Variants in PTH2R observed in about 807,000 individuals in gnomAD.
PTH2R encodes parathyroid hormone 2 receptor, also known as PTH2 receptor.
PTH2R carries 59 observed loss-of-function variants against 60.3 expected under a neutral mutation model. That is an observed-to-expected ratio of 0.98 (90% CI 0.79 to 1.22). The LOEUF (loss-of-function observed/expected upper bound fraction) is 1.22. Among genes scored for constraint, PTH2R ranks in the 50% most tolerant of loss-of-function variants. The probability of loss-of-function intolerance (pLI) is 0.00; values close to 1 mark genes in which losing one functional copy is unlikely to be tolerated. For synonymous variants in PTH2R, 256 were observed against 243.8 expected (o/e 1.05, Z -0.47); for missense variants, 749 against 682.6 (o/e 1.10, Z -1.08).
At chr2:208,477,914 CACT>C (rs1360814984) in intron 9 of PTH2R, among the ~76,000 whole-genome samples, 2 of 71,776 alleles carry the variant, frequency 2.8e-5, no homozygotes, top group Non-Finnish European at 3.7e-5. Flanking sequence ...CTAGTACTAG[CACT>C]ACTACTAGTA....
chr2:208,464,794 G>GC (rs1290603059), intron 9 of PTH2R, among the ~76,000 whole-genome samples: 1 of 152,080 alleles, frequency 6.6e-6, no homozygotes, highest in African/African-American at 2.4e-5. Flanking sequence ...CAGGAGGCTC[G>GC]CTTGAGGCCA....
At chr2:208,371,142 G>T (rs1451119699) in intron 1 of PTH2R, among the ~76,000 whole-genome samples, 2 of 152,030 alleles carry the variant, frequency 1.3e-5, no homozygotes, top group Non-Finnish European at 2.9e-5. Context: ...CCAACTTGGG[G>T]ATTGTATTTC....
At chr2:208,487,049 A>G (rs1703289439) in intron 10 of PTH2R, among the ~76,000 whole-genome samples, 1 of 152,160 alleles carries the variant, frequency 6.6e-6, no homozygotes, top group Admixed American at 6.5e-5. Flanking sequence ...GTACAACTCT[A>G]CCTACTTCTA....
chr2:208,404,672 C>T (rs935380101), upstream of PTH2R, among the ~76,000 whole-genome samples: 16 of 152,246 alleles, frequency 1.1e-4, no homozygotes, highest in African/African-American at 3.9e-4. Flanking sequence ...GAGAAAGACA[C>T]TTGCACACGA....
rs539892202 is a variant in PTH2R, at chr2:208,483,170, G to A, written c.1076+2006G>A. ...GTATCCTATGCCCATAGAATGCACA[G>A]TATTAATAAATCAGCAGCTGCTAGT... is the stretch of plus-strand genomic sequence containing the variant. On this transcript the variant is annotated intron_variant, in intron 10 of 12. Coordinates refer to ENST00000272847, the MANE Select transcript of PTH2R (RefSeq NM_005048.4). Among the ~76,000 whole-genome samples the A allele has an allele frequency of 4.6e-5, 7 of 152,306 alleles. No individual in the cohort carries two copies. The East Asian group carries it at 1.4e-3, about 29-fold the overall frequency.
At chr2:208,431,182 T>C (rs1237902406) in intron 2 of PTH2R, among the ~76,000 whole-genome samples, 1 of 152,234 alleles carries the variant, frequency 6.6e-6, no homozygotes, top group Non-Finnish European at 1.5e-5. Context: ...GCCAGCTCTT[T>C]GTTCAGCTTT....
chr2:208,370,880 A>G (rs1700689029), intron 1 of PTH2R, among the ~76,000 whole-genome samples: 5 of 152,080 alleles, frequency 3.3e-5, no homozygotes, highest in Non-Finnish European at 7.3e-5. Context: ...TAGGCATGGC[A>G]TCAGTATGTG....
intron 10 of PTH2R, among the ~76,000 whole-genome samples, chr2:208,481,955 A>C (rs1703162656): frequency 6.6e-6 from 1 of 152,234 alleles, no homozygotes; most frequent in African/African-American, 2.4e-5. Context: ...AACTATCTTA[A>C]GGTTGTGTGC....
In PTH2R at chr2:208,370,143, T is replaced by A. The variant is rs905066138; in HGVS notation, c.-259+9906T>A. ...AAGGAAAAATTGTGTCTAATCTATA[T>A]CATTTAAAAAGAAAGGTTGGCCGGG... On this transcript the variant is annotated intron_variant, in intron 1 of 12. Coordinates refer to the PTH2R transcript ENST00000617735. 1.5e-4 allele frequency among the ~76,000 whole-genome samples: 23 copies of A among 152,026 alleles called. 1 individual carries two copies. In the East Asian group the frequency reaches 4.3e-3, roughly 28 times the overall value.
At chr2:208,474,817 A>C (rs908720041) in intron 9 of PTH2R, among the ~76,000 whole-genome samples, 3 of 152,242 alleles carry the variant, frequency 2.0e-5, no homozygotes, top group Non-Finnish European at 4.4e-5. Context: ...TGGAGACGCA[A>C]ATGTCTAAGA....
At chr2:208,448,959 T>C (rs2105877398) in intron 7 of PTH2R, among the ~76,000 whole-genome samples, 1 of 152,216 alleles carries the variant, frequency 6.6e-6, no homozygotes, top group Middle Eastern at 3.4e-3. Context: ...TTTGACATAA[T>C]TATCATCTAA....
intron 8 of PTH2R, among the ~76,000 whole-genome samples, chr2:208,453,579 C>T (rs1180702780): frequency 6.6e-6 from 1 of 152,180 alleles, no homozygotes; most frequent in Non-Finnish European, 1.5e-5. Context: ...CAGTAGATAA[C>T]TCTTCAGTGC....
chr2:208,365,138 C>G lies in PTH2R; in HGVS notation c.-259+4901C>G, dbSNP rs565266278. On this transcript the variant is annotated intron_variant, in intron 1 of 12. Coordinates refer to the PTH2R transcript ENST00000617735. ...AACAGAAATTTTTACTTCTTTCTTCCCAATTTGGATGCCTTTTATTGCTTT... is the reference window on the plus strand; with the variant it reads ...AACAGAAATTTTTACTTCTTTCTTCGCAATTTGGATGCCTTTTATTGCTTT... Among the ~76,000 whole-genome samples the G allele has an allele frequency of 4.9e-4, 74 of 151,578 alleles. 1 individual carries two copies. Among genetic ancestry groups the G allele is most frequent in the African/African-American group, 1.5e-3 (60 of 41,294 alleles).
chr2:208,405,284 A>G (rs1701381422), upstream of PTH2R, among the ~76,000 whole-genome samples: 1 of 152,336 alleles, frequency 6.6e-6, no homozygotes, highest in East Asian at 1.9e-4. Context: ...AGATCTGATG[A>G]AAAGATTTTC....
intron 1 of PTH2R, among the ~76,000 whole-genome samples, chr2:208,409,506 C>A (rs1408683644): frequency 1.3e-5 from 2 of 151,840 alleles, no homozygotes; most frequent in African/African-American, 2.4e-5. Context: ...TTTAGCATAC[C>A]CAGTTAATGA....
intron 9 of PTH2R, among the ~76,000 whole-genome samples, chr2:208,480,010 C>A (rs1703109510): frequency 6.6e-6 from 1 of 152,184 alleles, no homozygotes; most frequent in Admixed American, 6.5e-5. Context: ...CAAGACCTAG[C>A]CCTCAGTTCT....
intron 1 of PTH2R, among the ~76,000 whole-genome samples, chr2:208,391,699 T>C (rs1252174725): frequency 6.6e-6 from 1 of 152,174 alleles, no homozygotes; most frequent in African/African-American, 2.4e-5. Flanking sequence ...ATACTCTTAG[T>C]TGCTTGAGAG....
rs138621674 is a variant in PTH2R at position 208,392,839 on chromosome 2, C to T, written c.-259+32602C>T. ...CTTGTGCTGTAATGGCAGACTGAGC[C>T]GCTGGAATGGGGGTTTGAGCCCCGG... On this transcript the variant is annotated intron_variant, in intron 1 of 12. Transcript: ENST00000617735. 5.6e-3 allele frequency among the ~76,000 whole-genome samples: 849 copies of T among 152,202 alleles called. 4 individuals carry two copies. The highest frequency in any genetic ancestry group is 0.019 in the African/African-American group (772 of 41,544).
At chr2:208,413,141 C>CCACACACACACA (rs5838121) in intron 1 of PTH2R, among the ~76,000 whole-genome samples, 23 of 149,868 alleles carry the variant, frequency 1.5e-4, no homozygotes, top group African/African-American at 5.4e-4. Context: ...TAAAAAGTGA[C>CCACACACACACA]CACACACACA....
Sources: gnomAD v4.1 joint callset for allele counts (sites outside exome capture counted in the v4.1 genomes callset) on GRCh38, gnomAD v4.1.1 for gene constraint, MANE v1.5 for transcripts, NCBI Gene and HGNC (gene_info 2026-07-23, HGNC 2026-07-21) for gene names.